The following ABHD13 variants were observed in gnomAD, a reference collection of about 807,000 sequenced individuals.
ABHD13 encodes the protein protein ABHD13.
ABHD13 carries 7 observed loss-of-function variants against 25.2 expected under a neutral mutation model. The ratio of observed to expected loss-of-function variants is 0.28; its 90% CI spans 0.16 to 0.52. The LOEUF (loss-of-function observed/expected upper bound fraction) is 0.52, where lower values mean the gene tolerates loss of function less well. ABHD13 is among the 20% of genes least tolerant of loss of function. The probability of loss-of-function intolerance (pLI) is 0.96; values close to 1 mark genes in which losing one functional copy is unlikely to be tolerated. For missense variants in ABHD13, 302 were observed against 402.7 expected (o/e 0.75, Z 2.14); for synonymous variants, 133 against 136.1 (o/e 0.98, Z 0.16).
chr13:108,218,613 C>T lies in ABHD13; in HGVS notation c.-67C>T, dbSNP rs544049407. The stretch of plus-strand genomic sequence containing the variant: ...GCGGGGGTACGCTGCTGCGCGGCGC[C>T]CGGTTTCGTGCCCGCGGCCGACTGC... On this transcript the variant is annotated 5_prime_UTR_variant, in exon 1 of 2. Coordinates refer to ENST00000375898, the MANE Select transcript of ABHD13 (RefSeq NM_032859.3). 194 of 152,066 alleles carry T rather than the reference C, an allele frequency of 1.3e-3. No homozygotes were observed. Among genetic ancestry groups the T allele is most frequent in the African/African-American group, 4.6e-3 (189 of 41,520 alleles). The allele number at this position is 152,066 out of a possible 1,614,324, so 9.4% of individuals were successfully genotyped here.
chr13:108,218,905 A>T (rs537637215), intron 1 of ABHD13, among the ~76,000 whole-genome samples: 1 of 152,032 alleles, frequency 6.6e-6, no homozygotes, highest in African/African-American at 2.4e-5. Context: ...ACCACTCACC[A>T]GGGGAAGCAA....
intron 1 of ABHD13, among the ~76,000 whole-genome samples, chr13:108,225,708 C>G (rs1180879064): frequency 6.6e-6 from 1 of 151,918 alleles, no homozygotes; most frequent in Non-Finnish European, 1.5e-5. Context: ...ACATAGCAAA[C>G]AGAAAATTGA....
intron 1 of ABHD13, among the ~76,000 whole-genome samples, chr13:108,226,236 G>C (rs538007109): frequency 1.7e-4 from 26 of 152,312 alleles, no homozygotes; most frequent in African/African-American, 6.3e-4. Context: ...AATGACACAA[G>C]GGTGGGAGTG....
chr13:108,228,270 CTTTA>C (rs61096450), intron 1 of ABHD13, among the ~76,000 whole-genome samples: 3,068 of 151,864 alleles, frequency 0.02, 94 homozygotes, highest in African/African-American at 0.071. Flanking sequence ...AGTCATTTTA[CTTTA>C]TTTATCTCTG....
chr13:108,219,915 C>G (rs147359333), intron 1 of ABHD13, among the ~76,000 whole-genome samples: 1 of 152,180 alleles, frequency 6.6e-6, no homozygotes, highest in East Asian at 1.9e-4. Flanking sequence ...TACGGTACCT[C>G]TAGGGAATCA....
intron 1 of ABHD13, among the ~76,000 whole-genome samples, chr13:108,228,656 C>T (rs548892166): frequency 1.1e-4 from 16 of 150,512 alleles, no homozygotes; most frequent in Non-Finnish European, 1.5e-4. Context: ...TTTTTGCTAC[C>T]GTATGTGAAA....
In ABHD13 at chr13:108,230,353, T is replaced by C; in HGVS notation, c.*121T>C. On this transcript the variant is annotated 3_prime_UTR_variant, in exon 2 of 2. Coordinates refer to ENST00000375898, the MANE Select transcript of ABHD13 (RefSeq NM_032859.3). ...GAGTGACATTAAACTTTGAAAGGAC[T>C]TCACTGCTCCTTTACGATATTCCAA... 1.3e-6 allele frequency: 1 copy of C among 795,808 alleles called. No individual in the cohort carries two copies. The highest frequency in any genetic ancestry group is 1.9e-6 in the Non-Finnish European group (1 of 516,044). The allele number at this position is 795,808 out of a possible 1,614,324, so 49.3% of individuals were successfully genotyped here.
At chr13:108,222,731 T>A (rs1879593916) in intron 1 of ABHD13, among the ~76,000 whole-genome samples, 1 of 152,230 alleles carries the variant, frequency 6.6e-6, no homozygotes, top group Admixed American at 6.5e-5. Context: ...AAGTTTTAAT[T>A]CATTTAAAAA....
In ABHD13 at chr13:108,229,555, T is replaced by C. The variant is rs775729168; in HGVS notation, c.337T>C (p.Tyr113His). 21 of 1,613,382 alleles carry C rather than the reference T, an allele frequency of 1.3e-5. No individual in the cohort carries two copies. The highest frequency in any genetic ancestry group is 1.8e-5 in the Non-Finnish European group (21 of 1,179,576). ...LIRYTGDNSP[Y>H]SPTIIYFHGN... ...ACGATACACTGGAGACAATTCACCC[T>C]ATTCCCCAACTATAATTTATTTTCA... The change falls in exon 2 of 2, where the codon TAT (tyrosine) becomes CAT (histidine). Residue 113 changes from tyrosine to histidine, a missense_variant. Transcript: ENST00000375898. The surrounding 1 kb of genome is among the most constrained non-coding windows in gnomAD (Gnocchi z 4.7).
chr13:108,226,277 C>T (rs1022550476), intron 1 of ABHD13, among the ~76,000 whole-genome samples: 2 of 152,186 alleles, frequency 1.3e-5, no homozygotes, highest in Non-Finnish European at 2.9e-5. Context: ...GCTTCATGCT[C>T]CACAGGAAAC....
At position 108,232,370 on chromosome 13, in the gene ABHD13, TA is replaced by T. The variant is rs1319865743; in HGVS notation, c.*2140del. The T allele has an allele frequency of 1.2e-5, 2 of 166,930 alleles. No homozygotes were observed. The highest frequency in any genetic ancestry group is 4.8e-5 in the African/African-American group (2 of 41,438). 10.3% of individuals were successfully genotyped at this position (166,930 alleles called of 1,614,324 possible). The stretch of plus-strand genomic sequence containing the variant: ...GTTAAGGAGCCTTTCTTTCTGCAGC[TA>T]AGGGCAGAGGCTGTGCCTAGGGCTA... On this transcript the variant is annotated 3_prime_UTR_variant, in exon 2 of 2. Transcript: ENST00000375898.
Position 108,231,105 on chromosome 13 carries a change from T to C in ABHD13, c.*873T>C, listed in dbSNP as rs1879794362. ...CCACTAATAGCAGTCATAGTGAAGA[T>C]TAGCACTACTTAGAATTAAATTAGG... On this transcript the variant is annotated 3_prime_UTR_variant, in exon 2 of 2. Transcript: ENST00000375898. 6.0e-6 allele frequency: 1 copy of C among 166,666 alleles called. No homozygotes were observed. The highest frequency in any genetic ancestry group is 1.5e-5 in the Non-Finnish European group (1 of 67,970). The allele number at this position is 166,666 out of a possible 1,614,324, so 10.3% of individuals were successfully genotyped here.
At chr13:108,224,933 A>G (rs949555510) in intron 1 of ABHD13, among the ~76,000 whole-genome samples, 4 of 152,208 alleles carry the variant, frequency 2.6e-5, no homozygotes, top group Non-Finnish European at 5.9e-5. Context: ...TATACAGTAC[A>G]TGATAATAAA....
At chr13:108,223,651 T>G (rs780561540) in intron 1 of ABHD13, among the ~76,000 whole-genome samples, 6 of 152,234 alleles carry the variant, frequency 3.9e-5, no homozygotes, top group Non-Finnish European at 8.8e-5. Flanking sequence ...CCATCATTGC[T>G]TATGCATCAT....
Position 108,230,089 on chromosome 13 carries a change from G to A in ABHD13, c.871G>A (p.Ala291Thr). The A allele has an allele frequency of 1.9e-6, 3 of 1,613,156 alleles. No individual in the cohort carries two copies. Among genetic ancestry groups the A allele is most frequent in the Non-Finnish European group, 1.7e-6 (2 of 1,179,354 alleles). Residue 291 changes from alanine (A) to threonine (T), a missense_variant, in exon 2 of 2, where the codon GCC becomes ACC. Transcript: ENST00000375898. ...ELSPSRTKRL[A>T]IFPDGTHNDT... is the part of the protein sequence containing the mutation. ...CTCCCCATCTCGGACTAAGAGATTA[G>A]CCATTTTTCCAGATGGGACTCACAA... is the stretch of plus-strand genomic sequence containing the variant.
At position 108,231,797 on chromosome 13, in the gene ABHD13, T is replaced by C. The variant is rs568063017; in HGVS notation, c.*1565T>C. 4.8e-5 allele frequency: 8 copies of C among 166,934 alleles called. No homozygotes were observed. In the East Asian group the frequency reaches 1.5e-3, roughly 32 times the overall value. 10.3% of individuals were successfully genotyped at this position (166,934 alleles called of 1,614,324 possible). On this transcript the variant is annotated 3_prime_UTR_variant, in exon 2 of 2. Transcript: ENST00000375898. ...TAGGGCTAGAAATACTTTTGCCAAA[T>C]AGCATTCTTATTCACTTTATGCCGG...
rs1248153427 is a variant in ABHD13, at chr13:108,233,668, G to A, written c.*3436G>A. The A allele has an allele frequency of 6.0e-6, 1 of 166,492 alleles. No individual in the cohort carries two copies. The highest frequency in any genetic ancestry group is 1.5e-5 in the Non-Finnish European group (1 of 67,878). 10.3% of individuals were successfully genotyped at this position (166,492 alleles called of 1,614,324 possible). A position where few individuals can be genotyped will look rare whatever the true frequency, so the allele number is the denominator to read the frequency against. On this transcript the variant is annotated 3_prime_UTR_variant, in exon 2 of 2. Transcript: ENST00000375898. ...ATTTATTTTTTAAATTGATAGGGTA[G>A]AAAATGAAATGTACTTCTGTTTATT... is the stretch of plus-strand genomic sequence containing the variant.
Position 108,218,811 on chromosome 13 carries a change from C to T in ABHD13, c.-21+152C>T, listed in dbSNP as rs1485992833. On this transcript the variant is annotated intron_variant, in intron 1 of 1. Coordinates refer to ENST00000375898, the MANE Select transcript of ABHD13 (RefSeq NM_032859.3). The stretch of plus-strand genomic sequence containing the variant: ...AGCCCCGGGGCTAGTGCGGCTTCCC[C>T]TGGGGGTCGTGCGGGGGCCGAGCGC... Among the ~76,000 whole-genome samples the T allele has an allele frequency of 3.3e-5, 5 of 151,070 alleles. No individual in the cohort carries two copies. In the East Asian group the frequency reaches 9.9e-4, roughly 30 times the overall value.
intron 1 of ABHD13, among the ~76,000 whole-genome samples, chr13:108,219,946 A>G (rs1219839047): frequency 6.6e-6 from 1 of 152,176 alleles, no homozygotes; most frequent in East Asian, 1.9e-4. Flanking sequence ...TTGATCTAGG[A>G]CTAATAGGGC....
Sources: gnomAD v4.1 joint callset for allele counts (sites outside exome capture counted in the v4.1 genomes callset) on GRCh38, gnomAD v4.1.1 for gene constraint, Gnocchi (gnomAD v3.1) non-coding constraint, MANE v1.5 for transcripts, NCBI Gene and HGNC (gene_info 2026-07-23, HGNC 2026-07-21) for gene names.